Variants in FMN1 observed in about 807,000 individuals in gnomAD.
FMN1 encodes formin 1.
FMN1 carries 110 observed loss-of-function variants against 132.4 expected under a neutral mutation model. The ratio of observed to expected loss-of-function variants is 0.83; its 90% CI spans 0.71 to 0.97. The LOEUF (loss-of-function observed/expected upper bound fraction) is 0.97, where lower values mean the gene tolerates loss of function less well. Ranked by LOEUF, FMN1 falls within the 50% of genes least tolerant of loss-of-function variation. The pLI is 0.00. For synonymous variants in FMN1, 722 were observed against 651.7 expected (o/e 1.11, Z -1.64); for missense variants, 1,792 against 1,705.3 (o/e 1.05, Z -0.90).
rs911704693 is a variant in FMN1, at chr15:32,766,324, G to C, written c.*7986C>G. On this transcript the variant is annotated 3_prime_UTR_variant, in exon 21 of 21. Coordinates refer to ENST00000616417, the MANE Select transcript of FMN1 (RefSeq NM_001277313.2). ...CATGAATAGTAGTAAGAATGGAGCG[G>C]CAATAAAAATCCTTATGATTCAAAG... is the stretch of plus-strand genomic sequence containing the variant. 1 of 152,144 alleles carries C rather than the reference G, an allele frequency of 6.6e-6. No homozygotes were observed. Among genetic ancestry groups the C allele is most frequent in the Admixed American group, 6.5e-5 (1 of 15,278 alleles). 9.4% of individuals were successfully genotyped at this position (152,144 alleles called of 1,614,324 possible). A position where few individuals can be genotyped will look rare whatever the true frequency, so the allele number is the denominator to read the frequency against.
chr15:32,951,480 A>G (rs563705234), intron 9 of FMN1, among the ~76,000 whole-genome samples: 5 of 151,998 alleles, frequency 3.3e-5, no homozygotes, highest in Non-Finnish European at 5.9e-5. Flanking sequence ...CAAATAGGGG[A>G]AATGGATTGT....
At chr15:32,908,934 A>G (rs1056922236) in intron 11 of FMN1, among the ~76,000 whole-genome samples, 1 of 152,192 alleles carries the variant, frequency 6.6e-6, no homozygotes, top group Non-Finnish European at 1.5e-5. Context: ...CTGGGGGAAT[A>G]TTGTTCTTAG....
chr15:32,847,792 G>T (rs1049334462), intron 17 of FMN1, among the ~76,000 whole-genome samples: 1 of 152,060 alleles, frequency 6.6e-6, no homozygotes, highest in African/African-American at 2.4e-5. Flanking sequence ...GAGGCGGAGC[G>T]TGCAGTGAGC....
chr15:32,961,429 C>T (rs77422981), intron 9 of FMN1, among the ~76,000 whole-genome samples: 1,998 of 152,204 alleles, frequency 0.013, 34 homozygotes, highest in African/African-American at 0.046. Flanking sequence ...CCACCGTACC[C>T]GGCCTGTAAT....
intron 4 of FMN1, among the ~76,000 whole-genome samples, chr15:33,115,225 G>C (rs979507968): frequency 6.6e-6 from 1 of 152,138 alleles, no homozygotes; most frequent in Non-Finnish European, 1.5e-5. Context: ...GAAATAAAGA[G>C]CAGAGTTGCC....
chr15:32,834,035 C>A (rs888574474), intron 17 of FMN1, among the ~76,000 whole-genome samples: 1 of 152,206 alleles, frequency 6.6e-6, no homozygotes, highest in African/African-American at 2.4e-5. Flanking sequence ...ATTCTCAGAA[C>A]CTCCTGGCAT....
rs74012411 is a variant in FMN1, at chr15:32,971,073, T to G, written c.2224-1596A>C. The stretch of plus-strand genomic sequence containing the variant: ...TTGGCTTAGGCACTTGCGAGTTCTA[T>G]GACCTCAGACAGGGAACGCTGTGTC... On this transcript the variant is annotated intron_variant, in intron 7 of 20. Coordinates refer to ENST00000616417, the MANE Select transcript of FMN1 (RefSeq NM_001277313.2). 9.9e-3 allele frequency among the ~76,000 whole-genome samples: 1,512 copies of G among 152,356 alleles called. 25 individuals are homozygous for G. Among genetic ancestry groups the G allele is most frequent in the African/African-American group, 0.035 (1,459 of 41,576 alleles).
chr15:33,056,558 G>A (rs981412753), intron 6 of FMN1, among the ~76,000 whole-genome samples: 2 of 152,154 alleles, frequency 1.3e-5, no homozygotes, highest in African/African-American at 2.4e-5. Flanking sequence ...ACAAGAGTAG[G>A]CTACAGTCTG....
chr15:32,854,812 G>T (rs2059088201), intron 17 of FMN1, among the ~76,000 whole-genome samples: 1 of 152,056 alleles, frequency 6.6e-6, no homozygotes, highest in Non-Finnish European at 1.5e-5. Flanking sequence ...TACCTGGGAG[G>T]CTGAGGCAGA....
chr15:33,040,332 T>G (rs1225957114), intron 6 of FMN1, among the ~76,000 whole-genome samples: 5 of 152,190 alleles, frequency 3.3e-5, no homozygotes, highest in Non-Finnish European at 7.3e-5. Flanking sequence ...CTAGAATGTT[T>G]GATTGAACTT....
chr15:33,035,140 C>A (rs923628516), intron 6 of FMN1, among the ~76,000 whole-genome samples: 7 of 152,132 alleles, frequency 4.6e-5, no homozygotes, highest in Admixed American at 4.6e-4. Flanking sequence ...TACATATGTA[C>A]TCCTTTATTA....
chr15:32,931,517 G>A (rs1181797782), intron 9 of FMN1, among the ~76,000 whole-genome samples: 1 of 152,038 alleles, frequency 6.6e-6, no homozygotes, highest in African/African-American at 2.4e-5. Flanking sequence ...TGTGTTATAA[G>A]AACACAACGA....
At chr15:33,191,954 A>T (rs1345998923) in intron 2 of FMN1, among the ~76,000 whole-genome samples, 1 of 152,220 alleles carries the variant, frequency 6.6e-6, no homozygotes, top group Non-Finnish European at 1.5e-5. Context: ...TAAGACAGAG[A>T]CTATGTACAT....
intron 9 of FMN1, among the ~76,000 whole-genome samples, chr15:32,933,647 G>T (rs917719934): frequency 6.6e-6 from 1 of 152,056 alleles, no homozygotes; most frequent in Non-Finnish European, 1.5e-5. Flanking sequence ...TGGCTTGTAC[G>T]TTGGGTGCAC....
chr15:32,924,914 C>A (rs1168094663), intron 10 of FMN1, among the ~76,000 whole-genome samples: 4 of 152,048 alleles, frequency 2.6e-5, no homozygotes, highest in Non-Finnish European at 5.9e-5. Context: ...AACTCCGTCT[C>A]AAAACAAACC....
rs199629564 is a variant in FMN1 at position 32,998,550 on chromosome 15, TTGAG to T, written c.2223+9460_2223+9463del. Among the ~76,000 whole-genome samples the T allele has an allele frequency of 8.3e-3, 1,259 of 152,300 alleles. 19 individuals are homozygous for T. The highest frequency in any genetic ancestry group is 0.029 in the African/African-American group (1,211 of 41,558). ...TGATTGTATAGAATTTACAGAATTA[TTGAG>T]TGAGGCAGGACAAGTCTGGAGAGAA... On this transcript the variant is annotated intron_variant, in intron 7 of 20. Coordinates refer to ENST00000616417, the MANE Select transcript of FMN1 (RefSeq NM_001277313.2).
intron 4 of FMN1, among the ~76,000 whole-genome samples, chr15:33,093,204 A>T (rs1382632952): frequency 6.6e-6 from 1 of 152,220 alleles, no homozygotes; most frequent in Non-Finnish European, 1.5e-5. Flanking sequence ...GAGAGAAAAA[A>T]CAAAAACCCT....
chr15:33,053,967 A>G (rs925736948), intron 6 of FMN1, among the ~76,000 whole-genome samples: 3 of 152,222 alleles, frequency 2.0e-5, no homozygotes, highest in Middle Eastern at 3.4e-3. Context: ...TGAGTAAGTA[A>G]ATCACTGGAC....
intron 17 of FMN1, among the ~76,000 whole-genome samples, chr15:32,822,170 G>A (rs1054783968): frequency 5.7e-4 from 87 of 152,100 alleles, no homozygotes; most frequent in African/African-American, 2.0e-3. Context: ...CCAACATGGT[G>A]AAACCCCGCC....
Sources: gnomAD v4.1 joint callset for allele counts (sites outside exome capture counted in the v4.1 genomes callset) on GRCh38, gnomAD v4.1.1 for gene constraint, MANE v1.5 for transcripts, NCBI Gene and HGNC (gene_info 2026-07-23, HGNC 2026-07-21) for gene names.